TYW1: variants seen among roughly 807,000 people sequenced by gnomAD.
TYW1 encodes the protein tRNA-yW synthesizing protein 1 homolog, also known as S-adenosyl-L-methionine-dependent tRNA 4-demethylwyosine synthase TYW1.
A neutral mutation model predicts 96.2 loss-of-function variants in TYW1; 46 were observed. The observed-to-expected ratio is 0.48, with a 90% confidence interval of 0.38 to 0.61. The LOEUF (loss-of-function observed/expected upper bound fraction) is 0.61, where lower values mean the gene tolerates loss of function less well. Among genes scored for constraint, TYW1 ranks in the 20% least tolerant of loss-of-function variants. The pLI is 0.00. For synonymous variants in TYW1, 274 were observed against 323.0 expected (o/e 0.85, Z 1.63); for missense variants, 684 against 909.6 (o/e 0.75, Z 3.19).
At chr7:67,229,271 C>T (rs905204282) in intron 15 of TYW1, among the ~76,000 whole-genome samples, 3 of 152,182 alleles carry the variant, frequency 2.0e-5, no homozygotes, top group African/African-American at 7.2e-5. Flanking sequence ...GGTGCGGTGG[C>T]TCATGCCTGT....
rs56323120 is a variant in TYW1 at position 67,147,108 on chromosome 7, A to G, written c.1698+29490A>G. On this transcript the variant is annotated intron_variant, in intron 13 of 15. Transcript: ENST00000359626. ...TAGGTTCTTTTAGCAGAGCAGAGTC[A>G]GCCCTCTGTATCCACAGGCTGTGTC... is the stretch of plus-strand genomic sequence containing the variant. Among the ~76,000 whole-genome samples, 763 of 152,336 alleles carry G rather than the reference A, an allele frequency of 5.0e-3. 6 individuals are homozygous for G. Among genetic ancestry groups the G allele is most frequent in the African/African-American group, 0.017 (727 of 41,574 alleles).
At chr7:67,034,602 A>AT (rs1329833977) in intron 7 of TYW1, among the ~76,000 whole-genome samples, 2 of 152,074 alleles carry the variant, frequency 1.3e-5, no homozygotes, top group Non-Finnish European at 2.9e-5. Flanking sequence ...AAATGGGATC[A>AT]TTTTGTACTC....
At position 66,998,821 on chromosome 7, in the gene TYW1, A is replaced by G. The variant is rs1171772700; in HGVS notation, c.140A>G (p.Lys47Arg). ...GTGTAATTATTTGTCTTCAAGGGCA[A>G]GAACTTACAGGAAAAATCTGTTCCA... ...CVQIVIKTQG[K>R]NLQEKSVPKA... is the part of the protein sequence containing the mutation. The change falls in exon 3 of 16, where the codon AAG (lysine) becomes AGG (arginine). Residue 47 changes from lysine to arginine, a missense_variant. By Grantham distance (26) the Lys-to-Arg change is conservative (BLOSUM62 2). Transcript: ENST00000359626. 1.2e-6 allele frequency: 2 copies of G among 1,614,078 alleles called. No individual in the cohort carries two copies. The highest frequency in any genetic ancestry group is 1.7e-6 in the Non-Finnish European group (2 of 1,180,020).
intron 8 of TYW1, among the ~76,000 whole-genome samples, chr7:67,053,482 C>G (rs868705349): frequency 6.6e-6 from 1 of 151,044 alleles, no homozygotes; most frequent in Admixed American, 6.6e-5. Context: ...TGAGTTCAAG[C>G]GATTCTCCTG....
chr7:67,197,147 T>C (rs1800420932), intron 15 of TYW1, among the ~76,000 whole-genome samples: 1 of 152,238 alleles, frequency 6.6e-6, no homozygotes, highest in Non-Finnish European at 1.5e-5. Context: ...AGGCCATTAT[T>C]ATGAAACACT....
chr7:67,048,201 AC>A (rs1171986820), intron 7 of TYW1, among the ~76,000 whole-genome samples: 2 of 147,740 alleles, frequency 1.4e-5, no homozygotes, highest in African/African-American at 5.0e-5. Context: ...TCCCCTAGGT[AC>A]CCTTTGTATA....
chr7:67,178,852 A>C (rs1251176855), intron 13 of TYW1, among the ~76,000 whole-genome samples: 2 of 140,094 alleles, frequency 1.4e-5, no homozygotes, highest in African/African-American at 2.8e-5. Flanking sequence ...GGAGTTATAC[A>C]TTCATGTTTT....
chr7:67,167,146 C>CT (rs1362624022), intron 13 of TYW1, among the ~76,000 whole-genome samples: 1 of 152,120 alleles, frequency 6.6e-6, no homozygotes, highest in Non-Finnish European at 1.5e-5. Context: ...TATCAGGTGT[C>CT]TTTATCTGGT....
intron 12 of TYW1, among the ~76,000 whole-genome samples, chr7:67,112,129 T>G (rs1169119463): frequency 8.0e-6 from 1 of 124,810 alleles, no homozygotes; most frequent in Non-Finnish European, 1.7e-5. Context: ...AAAAAGAAAG[T>G]GCAAAAGCTC....
chr7:67,139,951 G>A (rs1798390886), intron 13 of TYW1, among the ~76,000 whole-genome samples: 1 of 152,116 alleles, frequency 6.6e-6, no homozygotes, highest in Non-Finnish European at 1.5e-5. Context: ...ACACACCCGA[G>A]ACTGAGCAAT....
At chr7:67,178,568 CTT>C (rs1237186603) in intron 13 of TYW1, among the ~76,000 whole-genome samples, 1 of 152,160 alleles carries the variant, frequency 6.6e-6, no homozygotes, top group Non-Finnish European at 1.5e-5. Flanking sequence ...GGTTGAATAA[CTT>C]GTTGTATATT....
chr7:67,180,386 T>TTATATA lies in TYW1; in HGVS notation c.1699-2726_1699-2721dup, dbSNP rs372906172. ...ACCGTATCCTTGGAAAGCTGTTGGT[T>TTATATA]TATATATATATATATATATTTATAT... On this transcript the variant is annotated intron_variant, in intron 13 of 15. Transcript: ENST00000359626. Among the ~76,000 whole-genome samples, 6 of 111,598 alleles carry TTATATA rather than the reference T, an allele frequency of 5.4e-5. 1 individual carries two copies. Among genetic ancestry groups the TTATATA allele is most frequent in the East Asian group, 2.3e-4 (1 of 4,400 alleles). 73.2% of individuals were successfully genotyped at this position (111,598 alleles called of 152,430 possible). A position where few individuals can be genotyped will look rare whatever the true frequency, so the allele number is the denominator to read the frequency against.
intron 3 of TYW1, among the ~76,000 whole-genome samples, chr7:66,999,435 A>C (rs947992813): frequency 6.6e-6 from 1 of 151,986 alleles, no homozygotes; most frequent in African/African-American, 2.4e-5. Flanking sequence ...GCTCACTGCA[A>C]CCTCCACCTC....
intron 9 of TYW1, chr7:67,067,015 G>T: frequency 2.2e-6 from 1 of 461,066 alleles, no homozygotes; most frequent in South Asian, 2.4e-5. Flanking sequence ...GAAGGAGTCT[G>T]ATGGATTTGA....
chr7:67,211,168 G>C (rs1344264314), intron 15 of TYW1, among the ~76,000 whole-genome samples: 1 of 141,852 alleles, frequency 7.0e-6, no homozygotes, highest in Non-Finnish European at 1.5e-5. Flanking sequence ...GTGTGTGTGT[G>C]TGTGTGTGTG....
At chr7:67,095,940 T>TA (rs199931054) in intron 11 of TYW1, among the ~76,000 whole-genome samples, 2,431 of 152,290 alleles carry the variant, frequency 0.016, 32 homozygotes, top group Admixed American at 0.044. Context: ...ATCAGTTTCA[T>TA]AAATGAGGAT....
chr7:67,116,764 T>C (rs1797608371), intron 12 of TYW1, among the ~76,000 whole-genome samples: 2 of 152,020 alleles, frequency 1.3e-5, no homozygotes, highest in Admixed American at 6.6e-5. Context: ...AATTATGAAA[T>C]GAGGCAGTGA....
intron 14 of TYW1, among the ~76,000 whole-genome samples, chr7:67,186,483 ATGTTTTGTTT>A (rs766932501): frequency 6.6e-6 from 1 of 151,350 alleles, no homozygotes; most frequent in African/African-American, 2.4e-5. Context: ...TATAGCTGAG[ATGTTTTGTTT>A]TGTTTTGTTT....
intron 7 of TYW1, among the ~76,000 whole-genome samples, chr7:67,045,798 C>T (rs1795170509): frequency 6.6e-6 from 1 of 152,052 alleles, no homozygotes; most frequent in African/African-American, 2.4e-5. Flanking sequence ...GACAGGGAGG[C>T]CATTTAGTTT....
Sources: allele counts gnomAD v4.1 joint callset (sites outside exome capture counted in the v4.1 genomes callset), GRCh38; gene constraint gnomAD v4.1.1; transcripts MANE v1.5; gene names NCBI Gene and HGNC (gene_info 2026-07-23, HGNC 2026-07-21).